Variants in LRP1B observed in about 807,000 individuals in gnomAD.
The protein encoded by LRP1B is LDL receptor related protein 1B.
A neutral mutation model predicts 556.6 loss-of-function variants in LRP1B; 217 were observed. The ratio of observed to expected loss-of-function variants is 0.39; its 90% confidence interval spans 0.35 to 0.44. The LOEUF (loss-of-function observed/expected upper bound fraction) is 0.44. Ranked by LOEUF, LRP1B falls within the 20% of genes least tolerant of loss-of-function variation. The pLI is 1.00. For synonymous variants in LRP1B, 2,047 were observed against 1,865.8 expected, an observed-to-expected ratio of 1.10 and a Z score of -2.50; for missense variants, 5,053 against 5,620.8, an observed-to-expected ratio of 0.90 and a Z score of 3.23.
At chr2:141,246,098 A>G (rs1323351279) in intron 5 of LRP1B, among the ~76,000 whole-genome samples, 11 of 152,228 alleles carry the variant, frequency 7.2e-5, no homozygotes, top group African/African-American at 2.2e-4. Context: ...TATAAAGAAA[A>G]TAAAACTGGG....
At chr2:140,946,963 G>A (rs889886220) in intron 20 of LRP1B, among the ~76,000 whole-genome samples, 2 of 152,154 alleles carry the variant, frequency 1.3e-5, no homozygotes, top group African/African-American at 2.4e-5. Flanking sequence ...GTAAGTGGGA[G>A]CTAAACCTTT....
At chr2:140,792,042 T>C (rs996904473) in intron 32 of LRP1B, among the ~76,000 whole-genome samples, 3 of 152,194 alleles carry the variant, frequency 2.0e-5, no homozygotes, top group African/African-American at 7.2e-5. Flanking sequence ...GGCACTGAGA[T>C]GAGTGTGCAT....
At chr2:141,260,099 G>T (rs1266199408) in intron 3 of LRP1B, among the ~76,000 whole-genome samples, 1 of 152,036 alleles carries the variant, frequency 6.6e-6, no homozygotes, top group Admixed American at 6.6e-5. Flanking sequence ...ATGTCTCCTG[G>T]AGAAGTTTTT....
chr2:140,440,743 A>ATGTGTGTGTGTG (rs375585057), intron 66 of LRP1B, among the ~76,000 whole-genome samples: 43 of 150,600 alleles, frequency 2.9e-4, no homozygotes, highest in African/African-American at 8.3e-4. Flanking sequence ...CTCTGTATGT[A>ATGTGTGTGTGTG]TGTGTGTGTG....
chr2:141,215,587 G>A (rs1405227698), intron 6 of LRP1B, among the ~76,000 whole-genome samples: 1 of 152,186 alleles, frequency 6.6e-6, no homozygotes, highest in African/African-American at 2.4e-5. Flanking sequence ...TATGGACAGT[G>A]AAGTTCAAGC....
At chr2:140,987,565 T>C (rs1440164183) in intron 17 of LRP1B, among the ~76,000 whole-genome samples, 1 of 152,144 alleles carries the variant, frequency 6.6e-6, no homozygotes, top group Non-Finnish European at 1.5e-5. Flanking sequence ...AAAAATCTAA[T>C]AGTAATGAAG....
chr2:140,715,494 TTA>T (rs1687177735), intron 37 of LRP1B, among the ~76,000 whole-genome samples: 1 of 152,010 alleles, frequency 6.6e-6, no homozygotes, highest in Admixed American at 6.6e-5. Context: ...GTCAAAACAG[TTA>T]GTTATACTTA....
At chr2:140,670,395 TG>T (rs1461373069) in intron 41 of LRP1B, among the ~76,000 whole-genome samples, 1 of 152,168 alleles carries the variant, frequency 6.6e-6, no homozygotes, top group African/African-American at 2.4e-5. Context: ...CAGTTCTAAA[TG>T]GTAAGATAAA....
intron 3 of LRP1B, among the ~76,000 whole-genome samples, chr2:141,375,156 G>T (rs1161454073): frequency 6.6e-6 from 1 of 152,114 alleles, no homozygotes; most frequent in African/African-American, 2.4e-5. Context: ...GGTCAGTAGT[G>T]TCTGTGATTT....
chr2:140,788,223 C>T (rs17515253), intron 32 of LRP1B, among the ~76,000 whole-genome samples: 65,673 of 151,858 alleles, frequency 0.43, 15,827 homozygotes, highest in East Asian at 0.58. Context: ...AATGAGTCAA[C>T]AACAACAACA....
At chr2:141,114,301 G>A (rs987130893) in intron 7 of LRP1B, among the ~76,000 whole-genome samples, 9 of 152,158 alleles carry the variant, frequency 5.9e-5, no homozygotes, top group Admixed American at 2.0e-4. Flanking sequence ...GAAAAGTCAG[G>A]GTGACAGTCT....
At chr2:142,121,198 A>G (rs927890576) in intron 1 of LRP1B, among the ~76,000 whole-genome samples, 2 of 152,176 alleles carry the variant, frequency 1.3e-5, no homozygotes, top group African/African-American at 2.4e-5. Context: ...TCAAGCCATC[A>G]ACATCTTTTC....
At chr2:140,727,100 A>C (rs1183466809) in intron 35 of LRP1B, among the ~76,000 whole-genome samples, 2 of 152,172 alleles carry the variant, frequency 1.3e-5, no homozygotes, top group South Asian at 4.1e-4. Context: ...GTGTATATTA[A>C]ATCATATTTA....
intron 4 of LRP1B, among the ~76,000 whole-genome samples, chr2:141,249,694 A>G (rs1294038781): frequency 6.6e-6 from 1 of 152,180 alleles, no homozygotes; most frequent in Non-Finnish European, 1.5e-5. Context: ...AGAAAAAAAT[A>G]AGAAATGAGA....
intron 7 of LRP1B, among the ~76,000 whole-genome samples, chr2:141,149,785 A>G (rs985470429): frequency 6.6e-6 from 1 of 152,182 alleles, no homozygotes; most frequent in Admixed American, 6.5e-5. Flanking sequence ...TCCAGGAAAG[A>G]ACAAAGGAAA....
At chr2:142,040,163 C>T (rs971896072) in intron 1 of LRP1B, among the ~76,000 whole-genome samples, 1 of 151,346 alleles carries the variant, frequency 6.6e-6, no homozygotes, top group Admixed American at 6.6e-5. Flanking sequence ...GTTTGGTGAA[C>T]ATAATCTGGT....
At chr2:140,864,490 T>G (rs1442032840) in intron 27 of LRP1B, among the ~76,000 whole-genome samples, 1 of 151,982 alleles carries the variant, frequency 6.6e-6, no homozygotes, top group Non-Finnish European at 1.5e-5. Flanking sequence ...GACTAACAAC[T>G]GTAAAGTACT....
intron 45 of LRP1B, among the ~76,000 whole-genome samples, chr2:140,537,154 G>C (rs1679941448): frequency 6.8e-6 from 1 of 146,468 alleles, no homozygotes; most frequent in Admixed American, 7.0e-5. Flanking sequence ...CTGGGCAACA[G>C]GGTGAGACTC....
chr2:140,775,636 T>A (rs985919423), intron 33 of LRP1B, among the ~76,000 whole-genome samples: 1 of 151,978 alleles, frequency 6.6e-6, no homozygotes, highest in Non-Finnish European at 1.5e-5. Flanking sequence ...ATCTGTTATT[T>A]CTCTCACTCC....
Sources: gnomAD v4.1 joint callset for allele counts (sites outside exome capture counted in the v4.1 genomes callset) on GRCh38, gnomAD v4.1.1 for gene constraint, MANE v1.5 for transcripts, NCBI Gene and HGNC (gene_info 2026-07-23, HGNC 2026-07-21) for gene names.